Variants in CFAP91 observed in about 807,000 individuals in gnomAD.
CFAP91 encodes cilia and flagella associated protein 91, also known as cilia- and flagella-associated protein 91.
A neutral mutation model predicts 95.9 loss-of-function variants in CFAP91; 85 were observed. That is an observed-to-expected ratio of 0.89 (90% CI 0.74 to 1.06). The LOEUF (loss-of-function observed/expected upper bound fraction) is 1.06. Among genes scored for constraint, CFAP91 ranks in the 50% least tolerant of loss-of-function variants. The probability of loss-of-function intolerance (pLI) is 0.00; values close to 1 mark genes in which losing one functional copy is unlikely to be tolerated. For missense variants in CFAP91, 962 were observed against 943.4 expected (o/e 1.02, Z -0.26); for synonymous variants, 335 against 327.5 (o/e 1.02, Z -0.25).
chr3:119,708,716 T>C (rs775225173), intron 4 of CFAP91, 42 bp downstream of exon 4: 1 of 1,111,764 alleles, frequency 9.0e-7, no homozygotes, highest in Non-Finnish European at 1.3e-6. Context: ...CCTAATATTA[T>C]TAGAGAACCT....
chr3:119,709,303 T>G (rs1255836229), intron 4 of CFAP91, among the ~76,000 whole-genome samples: 2 of 152,220 alleles, frequency 1.3e-5, no homozygotes, highest in African/African-American at 4.8e-5. Flanking sequence ...CTAATCCACA[T>G]TATTATTTAT....
At chr3:119,731,739 A>G (rs2107886933) in intron 8 of CFAP91, among the ~76,000 whole-genome samples, 1 of 152,350 alleles carries the variant, frequency 6.6e-6, no homozygotes. Context: ...TTTGAGAGAA[A>G]AGGAGCACAG....
In CFAP91 at chr3:119,706,904, C is replaced by T. The variant is rs1247226419; in HGVS notation, c.201+19C>T. 1 of 1,585,720 alleles carries T rather than the reference C, an allele frequency of 6.3e-7. No homozygotes were observed. Among genetic ancestry groups the T allele is most frequent in the African/African-American group, 1.4e-5 (1 of 73,452 alleles). On this transcript the variant is annotated intron_variant, in intron 2 of 17. Transcript: ENST00000273390. ...CAGACTGGTATGTCTAATTCATCAG[C>T]CAAGGCTACCTGATGAACCTGAACC...
In CFAP91 at chr3:119,751,066, A is replaced by G; in HGVS notation, c.2273A>G (p.Glu758Gly). ...DEASNAAMLLEKETQNENNS is the reference protein window; with the variant it reads ...DEASNAAMLLGKETQNENNS ...GCCTCAAATGCTGCCATGTTACTTG[A>G]GAAAGAAACTCAAAATGAGAACAAC... The change falls in exon 17 of 18, where the codon GAG (glutamate) becomes GGG (glycine). Residue 758 changes from glutamate (E) to glycine (G), a missense_variant. Glu to Gly is a moderately conservative substitution (Grantham distance 98). Transcript: ENST00000273390. 1 of 1,608,658 alleles carries G rather than the reference A, an allele frequency of 6.2e-7. No homozygotes were observed. The highest frequency in any genetic ancestry group is 1.1e-5 in the South Asian group (1 of 89,548).
rs910884644 is a variant in CFAP91, at chr3:119,766,747, G to T, written c.*1697G>T. 1.3e-5 allele frequency: 2 copies of T among 152,184 alleles called. No homozygotes were observed. The highest frequency in any genetic ancestry group is 4.8e-5 in the African/African-American group (2 of 41,456). The allele number at this position is 152,184 out of a possible 1,614,324, so 9.4% of individuals were successfully genotyped here. ...GACACAGAAATGAATGCACATGACTGTGTTCCAGTAAAATTTTATTTTAAT... is the reference window on the plus strand; with the variant it reads ...GACACAGAAATGAATGCACATGACTTTGTTCCAGTAAAATTTTATTTTAAT... On this transcript the variant is annotated 3_prime_UTR_variant, in exon 18 of 18. Coordinates refer to ENST00000273390, the MANE Select transcript of CFAP91 (RefSeq NM_033364.4).
At chr3:119,748,008 G>A (rs950293187) in intron 16 of CFAP91, 106 bp downstream of exon 16, 1 of 804,216 alleles carries the variant, frequency 1.2e-6, no homozygotes, top group Non-Finnish European at 1.9e-6. Flanking sequence ...ATTTCTAAAG[G>A]AGGATCACTG....
rs1314762819 is a variant in CFAP91, at chr3:119,707,368, A to G, written c.202-36A>G. The G allele has an allele frequency of 2.8e-6, 4 of 1,451,066 alleles. No individual in the cohort carries two copies. The South Asian group carries it at 4.4e-5, about 16-fold the overall frequency. The allele number at this position is 1,451,066 out of a possible 1,614,324, so 89.9% of individuals were successfully genotyped here. A position where few individuals can be genotyped will look rare whatever the true frequency, so the allele number is the denominator to read the frequency against. On this transcript the variant is annotated intron_variant, in intron 2 of 17. Transcript: ENST00000273390. The stretch of plus-strand genomic sequence containing the variant: ...AAAATGCTTTAGAAAAGCTGATGGT[A>G]TAATTTTGTCCTTTGCCTCCCTTCT...
chr3:119,730,587 C>T (rs537616820), intron 8 of CFAP91, among the ~76,000 whole-genome samples: 3 of 144,600 alleles, frequency 2.1e-5, no homozygotes, highest in Admixed American at 7.1e-5. Context: ...AACAGGTAGT[C>T]GAGTTACTGA....
At chr3:119,746,842 A>G (rs957053976) in intron 14 of CFAP91, among the ~76,000 whole-genome samples, 1 of 152,200 alleles carries the variant, frequency 6.6e-6, no homozygotes, top group African/African-American at 2.4e-5. Flanking sequence ...TCTGAAGCCC[A>G]TAATCCTTCA....
At chr3:119,737,340 G>T (rs772622358) in intron 10 of CFAP91, 26 bp from the exon 11 acceptor site, 1 of 1,387,350 alleles carries the variant, frequency 7.2e-7, no homozygotes, top group Non-Finnish European at 1.0e-6. Context: ...TAAAAAAAGA[G>T]ATTATATTAA....
At chr3:119,706,738 C>A in intron 1 of CFAP91, 71 bp from the exon 2 acceptor site, 1 of 1,140,830 alleles carries the variant, frequency 8.8e-7, no homozygotes, top group Non-Finnish European at 1.3e-6. Flanking sequence ...GATTACATTA[C>A]TTTGCCATTA....
intron 6 of CFAP91, among the ~76,000 whole-genome samples, chr3:119,722,369 G>T (rs1464979809): frequency 6.6e-6 from 1 of 152,072 alleles, no homozygotes; most frequent in Non-Finnish European, 1.5e-5. Context: ...TGAGGCAGGA[G>T]AATCACTTGA....
chr3:119,751,110 T>C lies in CFAP91; in HGVS notation c.*1+12T>C, dbSNP rs2054317175. The C allele has an allele frequency of 3.2e-6, 5 of 1,581,986 alleles. No homozygotes were observed. In the African/African-American group the frequency reaches 5.5e-5, roughly 17 times the overall value. On this transcript the variant is annotated intron_variant, in intron 17 of 17. Transcript: ENST00000273390. ...GAACAACAGCTAAGGTGAGTTTGAT[T>C]TTCCACCAGGAAAAAAAGCAGAGAA... is the stretch of plus-strand genomic sequence containing the variant.
At position 119,710,649 on chromosome 3, in the gene CFAP91, CTTATT is replaced by C. The variant is rs534387605; in HGVS notation, c.500+756_500+760del. ...TATCTTCTTTTGCTTCTCTGAAACA[CTTATT>C]TGATGACAGTTCTTCAACATTTCAT... On this transcript the variant is annotated intron_variant, in intron 5 of 17. Coordinates refer to ENST00000273390, the MANE Select transcript of CFAP91 (RefSeq NM_033364.4). 1.2e-3 allele frequency among the ~76,000 whole-genome samples: 184 copies of C among 152,316 alleles called. 1 individual carries two copies. The highest frequency in any genetic ancestry group is 2.1e-3 in the Non-Finnish European group (143 of 68,016).
chr3:119,720,274 G>A (rs1020885785), intron 6 of CFAP91, among the ~76,000 whole-genome samples: 12 of 150,494 alleles, frequency 8.0e-5, no homozygotes, highest in African/African-American at 1.2e-4. Context: ...GCGGGCGCCC[G>A]TAGTCCCAGC....
At chr3:119,764,077 C>G (rs2054586896) in intron 17 of CFAP91, among the ~76,000 whole-genome samples, 1 of 152,064 alleles carries the variant, frequency 6.6e-6, no homozygotes, top group Non-Finnish European at 1.5e-5. Context: ...AACCATCATG[C>G]TGTACCTGAC....
At chr3:119,719,832 G>A (rs1319809432) in intron 6 of CFAP91, among the ~76,000 whole-genome samples, 5 of 152,224 alleles carry the variant, frequency 3.3e-5, no homozygotes, top group Non-Finnish European at 5.9e-5. Flanking sequence ...GCTGGGCGTG[G>A]TGGCTCACAC....
intron 3 of CFAP91, among the ~76,000 whole-genome samples, chr3:119,708,038 T>C (rs962693139): frequency 3.9e-5 from 6 of 152,030 alleles, no homozygotes; most frequent in African/African-American, 1.4e-4. Context: ...TCCCAGCACT[T>C]TGGGAGGCCG....
At chr3:119,740,490 AG>A in intron 12 of CFAP91, 58 bp from the exon 13 acceptor site, 1 of 1,565,566 alleles carries the variant, frequency 6.4e-7, no homozygotes, top group African/African-American at 1.4e-5. Context: ...TGTGACTCCT[AG>A]TGCTTGGCAC....
Sources: gnomAD v4.1 joint callset for allele counts (sites outside exome capture counted in the v4.1 genomes callset) on GRCh38, gnomAD v4.1.1 for gene constraint, MANE v1.5 for transcripts, NCBI Gene and HGNC (gene_info 2026-07-23, HGNC 2026-07-21) for gene names.